Variants in ZFP37 observed in about 807,000 individuals in gnomAD.
ZFP37 encodes zinc finger protein 37 homolog.
ZFP37 carries 38 observed loss-of-function variants against 52.1 expected under a neutral mutation model. The observed-to-expected ratio is 0.73, with a 90% CI of 0.56 to 0.96. ZFP37 has a LOEUF of 0.96. Among genes scored for constraint, ZFP37 ranks in the 40% least tolerant of loss-of-function variants. ZFP37 has a pLI of 0.00. For missense variants in ZFP37, 695 were observed against 741.4 expected (o/e 0.94, Z 0.73); for synonymous variants, 253 against 259.5 (o/e 0.98, Z 0.24).
Position 113,056,420 on chromosome 9 carries a change from A to T in ZFP37, c.132+137T>A, listed in dbSNP as rs564476631. The stretch of plus-strand genomic sequence containing the variant: ...ATTAACCCCACAGATAACTCAGAAC[A>T]CCGACCTCCCAAAAGACCATCTAGC... On this transcript the variant is annotated intron_variant, in intron 1 of 3. Coordinates refer to ENST00000374227, the MANE Select transcript of ZFP37 (RefSeq NM_003408.3). The T allele has an allele frequency of 3.3e-5, 47 of 1,419,520 alleles. No individual in the cohort carries two copies. In the African/African-American group the frequency reaches 4.2e-4, roughly 13 times the overall value. 87.9% of individuals were successfully genotyped at this position (1,419,520 alleles called of 1,614,324 possible). A position where few individuals can be genotyped will look rare whatever the true frequency, so the allele number is the denominator to read the frequency against.
chr9:113,051,986 C>T (rs1437965375), intron 1 of ZFP37, among the ~76,000 whole-genome samples: 3 of 152,146 alleles, frequency 2.0e-5, no homozygotes, highest in Admixed American at 6.6e-5. Context: ...ACAGACACTC[C>T]AATCACATAT....
intron 3 of ZFP37, among the ~76,000 whole-genome samples, chr9:113,048,824 A>G (rs993646624): frequency 1.3e-5 from 2 of 152,186 alleles, no homozygotes; most frequent in Non-Finnish European, 2.9e-5. Flanking sequence ...GCTTTGACTA[A>G]TAAAATATGA....
intron 3 of ZFP37, among the ~76,000 whole-genome samples, chr9:113,044,628 T>A (rs967313289): frequency 2.0e-5 from 3 of 152,068 alleles, no homozygotes; most frequent in African/African-American, 7.2e-5. Flanking sequence ...GCTGCCCAGT[T>A]CTGATAACTC....
rs748055044 is a variant in ZFP37 at position 113,049,382 on chromosome 9, T to C, written c.329A>G (p.Lys110Arg). 6.2e-7 allele frequency: 1 copy of C among 1,613,672 alleles called. No homozygotes were observed. Among genetic ancestry groups the C allele is most frequent in the Admixed American group, 1.7e-5 (1 of 59,944 alleles). ...QGCPSKIARP[K>R]QKETDGKVQK... is the part of the protein sequence containing the mutation. ...CTTACTTCCATCAGTTTCTTTTTGCTTGGGTCTTGCTATTTTACTTGGACA... is the reference window on the plus strand; with the variant it reads ...CTTACTTCCATCAGTTTCTTTTTGCCTGGGTCTTGCTATTTTACTTGGACA... Residue 110 changes from lysine (K) to arginine (R), a missense_variant, in exon 3 of 4, where the codon AAG (lysine) becomes AGG (arginine). Around this residue, in one of 2 missense-constraint regions of ZFP37, gnomAD observed 369 missense variants for 340.9 expected, o/e 1.08. Coordinates refer to ENST00000374227, the MANE Select transcript of ZFP37 (RefSeq NM_003408.3).
chr9:113,054,500 G>C (rs1044286185), intron 1 of ZFP37, among the ~76,000 whole-genome samples: 1 of 152,028 alleles, frequency 6.6e-6, no homozygotes, highest in African/African-American at 2.4e-5. Context: ...CCTTTCCTAA[G>C]TTCCAGATTC....
At chr9:113,054,567 C>G (rs79399413) in intron 1 of ZFP37, among the ~76,000 whole-genome samples, 1 of 152,126 alleles carries the variant, frequency 6.6e-6, no homozygotes. Flanking sequence ...CATTTTGACA[C>G]GGCCAAAATA....
rs116777920 is a variant in ZFP37, at chr9:113,052,605, G to A, written c.133-2733C>T. ...ACATGCTTAATTCCTCTGGAAATGA[G>A]TTATAATAACATGTATGAAATGTTG... On this transcript the variant is annotated intron_variant, in intron 1 of 3. Coordinates refer to ENST00000374227, the MANE Select transcript of ZFP37 (RefSeq NM_003408.3). This position sits in a 1 kb window ranked among gnomAD's most constrained non-coding sequence, Gnocchi z 4.1. Among the ~76,000 whole-genome samples the A allele has an allele frequency of 4.9e-3, 751 of 152,298 alleles. 7 individuals are homozygous for A. Among genetic ancestry groups the A allele is most frequent in the African/African-American group, 0.017 (713 of 41,564 alleles).
chr9:113,051,152 A>G (rs1340368795), intron 1 of ZFP37, among the ~76,000 whole-genome samples: 1 of 152,224 alleles, frequency 6.6e-6, no homozygotes, highest in East Asian at 1.9e-4. Context: ...TATGAAAAAT[A>G]CAACCAGTAA....
chr9:113,055,666 A>G (rs562403981), intron 1 of ZFP37, among the ~76,000 whole-genome samples: 21 of 152,254 alleles, frequency 1.4e-4, no homozygotes, highest in Non-Finnish European at 2.4e-4. Flanking sequence ...ACTTCTCCCA[A>G]TTATGGATCT....
At position 113,042,902 on chromosome 9, in the gene ZFP37, A is replaced by T. The variant is rs748596534; in HGVS notation, c.1716T>A (p.Pro572=). Reference sequence around the variant, plus strand: ...CTTTTTCACATTCGTTACATTCATAAGGTTTCTCCCCAGTATGAGTTCTCT... The same window carrying T: ...CTTTTTCACATTCGTTACATTCATATGGTTTCTCCCCAGTATGAGTTCTCT... ...VHQRTHTGEK[P]YECNECEKAF... The change falls in exon 4 of 4, where the codon CCT becomes CCA. Residue 572 remains proline, a synonymous_variant. Transcript: ENST00000374227. 5 of 1,613,866 alleles carry T rather than the reference A, an allele frequency of 3.1e-6. No homozygotes were observed. The highest frequency in any genetic ancestry group is 4.2e-6 in the Non-Finnish European group (5 of 1,179,928).
rs948169825 is a variant in ZFP37, at chr9:113,040,417, T to C, written c.*2308A>G. The C allele has an allele frequency of 2.0e-5, 3 of 152,240 alleles. No individual in the cohort carries two copies. The highest frequency in any genetic ancestry group is 1.9e-4 in the East Asian group (1 of 5,194). The allele number at this position is 152,240 out of a possible 1,614,324, so 9.4% of individuals were successfully genotyped here. A position where few individuals can be genotyped will look rare whatever the true frequency, so the allele number is the denominator to read the frequency against. ...ATTACTGGTAGAAATGGCTTTCATATTGCATTTTCTTCCCATGTGATAAAT... is the reference window on the plus strand; with the variant it reads ...ATTACTGGTAGAAATGGCTTTCATACTGCATTTTCTTCCCATGTGATAAAT... On this transcript the variant is annotated 3_prime_UTR_variant, in exon 4 of 4. Coordinates refer to ENST00000374227, the MANE Select transcript of ZFP37 (RefSeq NM_003408.3).
rs2118728970 is a variant in ZFP37, at chr9:113,056,694, C to G, written c.-6G>C. The G allele has an allele frequency of 6.2e-7, 1 of 1,611,416 alleles. No individual in the cohort carries two copies. The highest frequency in any genetic ancestry group is 8.5e-7 in the Non-Finnish European group (1 of 1,179,030). ...ACGCCGCTGGAGACCGACATGGCGGCTACCCGGAGGGCGGCCTTAGCGGGT... is the reference window on the plus strand; with the variant it reads ...ACGCCGCTGGAGACCGACATGGCGGGTACCCGGAGGGCGGCCTTAGCGGGT... On this transcript the variant is annotated 5_prime_UTR_variant, in exon 1 of 4. Coordinates refer to ENST00000374227, the MANE Select transcript of ZFP37 (RefSeq NM_003408.3).
At position 113,056,572 on chromosome 9, in the gene ZFP37, G is replaced by A; in HGVS notation, c.117C>T (p.Pro39=). 1.2e-6 allele frequency: 2 copies of A among 1,613,674 alleles called. No individual in the cohort carries two copies. The highest frequency in any genetic ancestry group is 1.3e-5 in the African/African-American group (1 of 75,062). The change falls in exon 1 of 4, where the codon CCC becomes CCT. Residue 39 remains proline, a synonymous_variant. Coordinates refer to ENST00000374227, the MANE Select transcript of ZFP37 (RefSeq NM_003408.3). ...GRPLEMAVSE[P]EASAAEWKQL... The stretch of plus-strand genomic sequence containing the variant: ...CAGCTCTCACCGCGGCGCTGGCCTC[G>A]GGCTCGGACACAGCCATCTCCAGTG...
intron 1 of ZFP37, among the ~76,000 whole-genome samples, chr9:113,050,886 C>T (rs1042454412): frequency 6.8e-5 from 10 of 147,578 alleles, no homozygotes; most frequent in African/African-American, 2.5e-4. Flanking sequence ...AACAGAGACT[C>T]CATCTCAAAA....
At chr9:113,051,325 G>A (rs1200849020) in intron 1 of ZFP37, among the ~76,000 whole-genome samples, 1 of 152,148 alleles carries the variant, frequency 6.6e-6, no homozygotes, top group Non-Finnish European at 1.5e-5. Context: ...TTATTAGGCA[G>A]GTGGGGGAGG....
intron 1 of ZFP37, among the ~76,000 whole-genome samples, chr9:113,054,521 T>C (rs907062737): frequency 2.0e-5 from 3 of 152,190 alleles, no homozygotes; most frequent in African/African-American, 4.8e-5. Flanking sequence ...ATATATATAG[T>C]GGCTACCCAA....
Position 113,043,799 on chromosome 9 carries a change from T to C in ZFP37, c.819A>G (p.Lys273=), listed in dbSNP as rs1163719039. The C allele has an allele frequency of 6.2e-7, 1 of 1,614,040 alleles. No homozygotes were observed. The highest frequency in any genetic ancestry group is 1.7e-5 in the Admixed American group (1 of 60,014). The change falls in exon 4 of 4, where the codon AAA becomes AAG. Residue 273 remains lysine (K), a synonymous_variant. Coordinates refer to ENST00000374227, the MANE Select transcript of ZFP37 (RefSeq NM_003408.3). The part of the protein sequence containing the change: ...DKIQTGEKHE[K]SPSLSSSTKH... ...TAGTAGATGAGCTAAGGCTGGGTGA[T>C]TTCTCATGTTTCTCTCCAGTTTGAA...
At chr9:113,049,736 C>T in intron 2 of ZFP37, 55 bp downstream of exon 2, 1 of 1,588,992 alleles carries the variant, frequency 6.3e-7, no homozygotes, top group Non-Finnish European at 8.6e-7. Context: ...TCAAGGACTC[C>T]AGAGAGAAGG....
rs1829150800 is a variant in ZFP37, at chr9:113,056,614, G to C, written c.75C>G (p.Thr25=). The C allele has an allele frequency of 6.2e-7, 1 of 1,613,880 alleles. No homozygotes were observed. Among genetic ancestry groups the C allele is most frequent in the Non-Finnish European group, 8.5e-7 (1 of 1,180,022 alleles). Residue 25 remains threonine (T), a synonymous_variant, in exon 1 of 4, where the codon ACC becomes ACG. Transcript: ENST00000374227. Reference sequence around the variant, plus strand: ...TCTCCAGTGGTCGCCCGGCCTCTTTGGTCGTTTCCGCACTTCTCCTCCGGT... The same window carrying C: ...TCTCCAGTGGTCGCCCGGCCTCTTTCGTCGTTTCCGCACTTCTCCTCCGGT... The part of the protein sequence containing the change: ...TVDRRRSAET[T]KEAGRPLEMA...
Sources: gnomAD v4.1 joint callset for allele counts (sites outside exome capture counted in the v4.1 genomes callset) on GRCh38, gnomAD v4.1.1 for gene constraint, gnomAD v4.1.1 regional missense constraint, Gnocchi (gnomAD v3.1) non-coding constraint, MANE v1.5 for transcripts, NCBI Gene and HGNC (gene_info 2026-07-23, HGNC 2026-07-21) for gene names.